Variants in LRRTM4 observed in about 807,000 individuals in gnomAD.
LRRTM4 encodes the protein leucine-rich repeat transmembrane neuronal protein 4.
LRRTM4 carries 25 observed loss-of-function variants against 47.6 expected under a neutral mutation model. The ratio of observed to expected loss-of-function variants is 0.53; its 90% CI spans 0.38 to 0.73. LRRTM4 has a LOEUF of 0.73. Among genes scored for constraint, LRRTM4 ranks in the 30% least tolerant of loss-of-function variants. The probability of loss-of-function intolerance (pLI) is 0.00; values close to 1 mark genes in which losing one functional copy is unlikely to be tolerated. For missense variants in LRRTM4, 638 were observed against 713.4 expected (o/e 0.89, Z 1.20); for synonymous variants, 311 against 269.5 (o/e 1.15, Z -1.51).
At position 76,788,262 on chromosome 2, in the gene LRRTM4, C is replaced by T. The variant is rs796555499; in HGVS notation, c.1552-39346G>A. Among the ~76,000 whole-genome samples, 9 of 152,210 alleles carry T rather than the reference C, an allele frequency of 5.9e-5. No individual in the cohort carries two copies. The South Asian group carries it at 1.5e-3, about 25-fold the overall frequency. On this transcript the variant is annotated intron_variant, in intron 3 of 3. Transcript: ENST00000409884. ...AGAACAGCAATTGACTATGCCTTAG[C>T]GGTTGAGAGGGGACAACATCTGAGA...
At chr2:77,099,069 T>C (rs758636668) in intron 3 of LRRTM4, among the ~76,000 whole-genome samples, 1 of 151,898 alleles carries the variant, frequency 6.6e-6, no homozygotes. Flanking sequence ...TTTAGCATTA[T>C]CTAGTAATAC....
intron 3 of LRRTM4, among the ~76,000 whole-genome samples, chr2:76,759,036 AT>A (rs1167591879): frequency 6.6e-6 from 1 of 152,026 alleles, no homozygotes; most frequent in South Asian, 2.1e-4. Context: ...TTTTCATTTG[AT>A]TTTTTTGTTT....
intron 3 of LRRTM4, among the ~76,000 whole-genome samples, chr2:77,246,803 T>C (rs987256956): frequency 2.6e-5 from 4 of 152,090 alleles, no homozygotes; most frequent in African/African-American, 9.6e-5. Flanking sequence ...TATATGCCTA[T>C]ATACATATAC....
intron 3 of LRRTM4, among the ~76,000 whole-genome samples, chr2:77,001,187 G>A (rs1677413890): frequency 6.6e-6 from 1 of 152,012 alleles, no homozygotes; most frequent in Non-Finnish European, 1.5e-5. Flanking sequence ...CTGCTGCAGA[G>A]AAACCTGTAC....
chr2:77,364,689 G>A (rs1317926151), intron 3 of LRRTM4, among the ~76,000 whole-genome samples: 5 of 151,984 alleles, frequency 3.3e-5, no homozygotes, highest in African/African-American at 1.2e-4. Flanking sequence ...ACCCCCAGAA[G>A]GAAGACAGCA....
At chr2:77,267,746 T>G (rs531909972) in intron 3 of LRRTM4, among the ~76,000 whole-genome samples, 1 of 152,214 alleles carries the variant, frequency 6.6e-6, no homozygotes, top group African/African-American at 2.4e-5. Flanking sequence ...TATCCTAGTT[T>G]GGACTATACA....
intron 3 of LRRTM4, among the ~76,000 whole-genome samples, chr2:76,891,815 C>A (rs1673264071): frequency 6.6e-6 from 1 of 151,730 alleles, no homozygotes; most frequent in Non-Finnish European, 1.5e-5. Flanking sequence ...TGAAGCCTTT[C>A]TAATTACAAC....
intron 3 of LRRTM4, among the ~76,000 whole-genome samples, chr2:77,079,042 C>T (rs892741800): frequency 6.6e-6 from 1 of 152,184 alleles, no homozygotes; most frequent in Non-Finnish European, 1.5e-5. Context: ...CGATCTAACA[C>T]TTCCCCCAAA....
At chr2:77,239,304 C>T (rs1384383841) in intron 3 of LRRTM4, among the ~76,000 whole-genome samples, 2 of 151,720 alleles carry the variant, frequency 1.3e-5, no homozygotes, top group African/African-American at 4.8e-5. Context: ...AAATAAGGAG[C>T]AAATATTGTA....
At chr2:77,223,482 C>A (rs1435327084) in intron 3 of LRRTM4, among the ~76,000 whole-genome samples, 1 of 152,154 alleles carries the variant, frequency 6.6e-6, no homozygotes, top group Admixed American at 6.5e-5. Context: ...CCCAAAATCT[C>A]CTTAAGCTGA....
intron 3 of LRRTM4, chr2:77,517,296 C>T: frequency 1.0e-6 from 1 of 983,360 alleles, no homozygotes. Flanking sequence ...GGAAGGTACA[C>T]CTTTATTTGA....
intron 3 of LRRTM4, among the ~76,000 whole-genome samples, chr2:77,467,119 GT>G (rs1283073751): frequency 6.6e-6 from 1 of 152,112 alleles, no homozygotes; most frequent in Non-Finnish European, 1.5e-5. Flanking sequence ...TGTTGTTGTT[GT>G]TGTTGTAATC....
intron 3 of LRRTM4, among the ~76,000 whole-genome samples, chr2:77,208,586 TGTCACACATATATATGAA>T (rs1674206468): frequency 6.6e-6 from 1 of 152,088 alleles, no homozygotes; most frequent in African/African-American, 2.4e-5. Flanking sequence ...GTAATATGTA[TGTCACACATATATATGAA>T]GTCACACATA....
intron 3 of LRRTM4, among the ~76,000 whole-genome samples, chr2:77,383,083 G>T (rs1673125043): frequency 6.6e-6 from 1 of 151,786 alleles, no homozygotes; most frequent in Non-Finnish European, 1.5e-5. Flanking sequence ...GGTATAGTTT[G>T]GTACCTCAAA....
At chr2:76,831,760 C>A (rs1457340967) in intron 3 of LRRTM4, among the ~76,000 whole-genome samples, 1 of 151,982 alleles carries the variant, frequency 6.6e-6, no homozygotes, top group Non-Finnish European at 1.5e-5. Flanking sequence ...CTTATGGGAT[C>A]CTACTGTTGT....
At chr2:76,803,472 A>C (rs544823767) in intron 3 of LRRTM4, among the ~76,000 whole-genome samples, 145 of 152,292 alleles carry the variant, frequency 9.5e-4, no homozygotes, top group Non-Finnish European at 1.7e-3. Flanking sequence ...TGTGGAGAAA[A>C]GCAAACCCTT....
At chr2:77,215,801 G>C (rs774391800) in intron 3 of LRRTM4, among the ~76,000 whole-genome samples, 1 of 152,122 alleles carries the variant, frequency 6.6e-6, no homozygotes, top group African/African-American at 2.4e-5. Flanking sequence ...TGCCACTGCT[G>C]AACAATGTCA....
chr2:77,379,303 T>A (rs2103787901), intron 3 of LRRTM4, among the ~76,000 whole-genome samples: 1 of 152,254 alleles, frequency 6.6e-6, no homozygotes, highest in South Asian at 2.1e-4. Context: ...CCGCTATCTT[T>A]TCACTGGTTT....
At chr2:76,916,338 T>C (rs1476380656) in intron 3 of LRRTM4, among the ~76,000 whole-genome samples, 1 of 132,936 alleles carries the variant, frequency 7.5e-6, no homozygotes, top group Admixed American at 8.9e-5. Flanking sequence ...TCAGCAGCGA[T>C]CGTGCCACCG....
Sources: gnomAD v4.1 joint callset for allele counts (sites outside exome capture counted in the v4.1 genomes callset) on GRCh38, gnomAD v4.1.1 for gene constraint, MANE v1.5 for transcripts, NCBI Gene and HGNC (gene_info 2026-07-23, HGNC 2026-07-21) for gene names.